The following SSBP2 variants were observed in gnomAD, a reference collection of about 807,000 sequenced individuals.
SSBP2 encodes the protein single-stranded DNA-binding protein 2.
Under a neutral mutation model 61.8 loss-of-function variants are expected in SSBP2, and 17 were observed. The ratio of observed to expected loss-of-function variants is 0.28; its 90% CI spans 0.19 to 0.41. The LOEUF is 0.41. Ranked by LOEUF, SSBP2 falls within the 10% of genes least tolerant of loss-of-function variation. The pLI is 1.00. For synonymous variants in SSBP2, 139 were observed against 141.3 expected, an observed-to-expected ratio of 0.98 and a Z score of 0.12; for missense variants, 310 against 458.7, an observed-to-expected ratio of 0.68 and a Z score of 2.96.
intron 4 of SSBP2, among the ~76,000 whole-genome samples, chr5:81,544,339 G>A (rs1044532915): frequency 2.0e-5 from 3 of 152,064 alleles, no homozygotes; most frequent in East Asian, 1.9e-4. Flanking sequence ...AAGCCACTGC[G>A]CCTGGCCCAC....
chr5:81,551,067 C>G (rs6869288), intron 4 of SSBP2, among the ~76,000 whole-genome samples: 67,124 of 145,678 alleles, frequency 0.46, 19,847 homozygotes, highest in African/African-American at 0.85. Context: ...CTGCACTCCA[C>G]CCTGGGTGAC....
intron 2 of SSBP2, among the ~76,000 whole-genome samples, chr5:81,649,118 T>C (rs1749518810): frequency 6.6e-6 from 1 of 152,148 alleles, no homozygotes; most frequent in African/African-American, 2.4e-5. Flanking sequence ...GTCTGAATTC[T>C]AGTTCCATAA....
intron 12 of SSBP2, among the ~76,000 whole-genome samples, chr5:81,444,396 T>A (rs190594106): frequency 2.1e-4 from 32 of 152,320 alleles, no homozygotes; most frequent in Admixed American, 2.0e-3. Context: ...TGTTATGTCT[T>A]CCATGAGGTT....
At chr5:81,600,577 A>C (rs200539364) in intron 4 of SSBP2, among the ~76,000 whole-genome samples, 1 of 151,130 alleles carries the variant, frequency 6.6e-6, no homozygotes, top group Non-Finnish European at 1.5e-5. Context: ...AAAAAAAAAA[A>C]AAACAAAAAC....
At chr5:81,717,412 T>C in intron 1 of SSBP2, among the ~76,000 whole-genome samples, 1 of 152,194 alleles carries the variant, frequency 6.6e-6, no homozygotes, top group East Asian at 1.9e-4. Flanking sequence ...TTCTATGCCA[T>C]GAGTAATAAG....
intron 9 of SSBP2, among the ~76,000 whole-genome samples, chr5:81,464,712 T>C (rs935272184): frequency 2.0e-5 from 3 of 152,128 alleles, no homozygotes; most frequent in Non-Finnish European, 4.4e-5. Context: ...TCCTAACACA[T>C]AAATATTTTT....
intron 1 of SSBP2, among the ~76,000 whole-genome samples, chr5:81,746,132 A>G (rs370987844): frequency 9.9e-5 from 15 of 152,268 alleles, no homozygotes; most frequent in Admixed American, 5.9e-4. Context: ...AAGAGTCACA[A>G]TTAATCTCTG....
intron 3 of SSBP2, 69 bp downstream of exon 3, chr5:81,636,488 A>G (rs369643892): frequency 8.6e-7 from 1 of 1,156,504 alleles, no homozygotes; most frequent in South Asian, 2.0e-5. Context: ...ATGAAATCAT[A>G]AACAGGTATA....
chr5:81,436,277 T>A (rs895262494), intron 15 of SSBP2, among the ~76,000 whole-genome samples: 2 of 149,384 alleles, frequency 1.3e-5, no homozygotes, highest in African/African-American at 2.5e-5. Flanking sequence ...AAGGCTCTAA[T>A]AAAGTTACAT....
chr5:81,750,668 A>G, intron 1 of SSBP2: 2 of 371,356 alleles, frequency 5.4e-6, no homozygotes, highest in Non-Finnish European at 9.8e-6. Flanking sequence ...TTACTTTGGA[A>G]GGTGAACCCG....
intron 5 of SSBP2, among the ~76,000 whole-genome samples, chr5:81,501,724 G>A (rs532660243): frequency 1.6e-3 from 243 of 151,590 alleles, no homozygotes; most frequent in Non-Finnish European, 3.1e-3. Context: ...CACCACGCCC[G>A]GCTAATTTTG....
chr5:81,582,578 G>A (rs1237045750), intron 4 of SSBP2, among the ~76,000 whole-genome samples: 1 of 152,058 alleles, frequency 6.6e-6, no homozygotes, highest in Non-Finnish European at 1.5e-5. Flanking sequence ...AACATAATCA[G>A]AGAGATTACT....
chr5:81,488,044 TATATATATATATA>T (rs1766545649), intron 6 of SSBP2, among the ~76,000 whole-genome samples: 1 of 63,606 alleles, frequency 1.6e-5, no homozygotes, highest in South Asian at 4.2e-4. Flanking sequence ...TATATATATA[TATATATATATATA>T]TAAATAAAAT....
Position 81,551,606 on chromosome 5 carries a change from A to G in SSBP2, c.283-37889T>C, listed in dbSNP as rs114648004. On this transcript the variant is annotated intron_variant, in intron 4 of 16. Transcript: ENST00000320672. ...ATTTATTAAAATAAAAGTATTTATT[A>G]CTTATTTACTAAAATATTTAAAAGA... 6.1e-3 allele frequency among the ~76,000 whole-genome samples: 929 copies of G among 152,248 alleles called. 13 individuals carry two copies. Among genetic ancestry groups the G allele is most frequent in the African/African-American group, 0.021 (890 of 41,560 alleles).
intron 4 of SSBP2, among the ~76,000 whole-genome samples, chr5:81,589,707 A>C (rs1203348903): frequency 6.6e-6 from 1 of 152,222 alleles, no homozygotes; most frequent in Non-Finnish European, 1.5e-5. Context: ...TTGCCATAAC[A>C]GAACGCCAGA....
intron 15 of SSBP2, among the ~76,000 whole-genome samples, chr5:81,429,844 A>G (rs1158216233): frequency 6.6e-6 from 1 of 152,216 alleles, no homozygotes; most frequent in Non-Finnish European, 1.5e-5. Flanking sequence ...TGGTAGAAAT[A>G]CACTGTGTCT....
chr5:81,597,586 T>C (rs1006257449), intron 4 of SSBP2, among the ~76,000 whole-genome samples: 7 of 152,048 alleles, frequency 4.6e-5, no homozygotes, highest in African/African-American at 1.7e-4. Flanking sequence ...CTATTCACAA[T>C]AGCAAAGACT....
At position 81,663,576 on chromosome 5, in the gene SSBP2, T is replaced by C. The variant is rs185030573; in HGVS notation, c.63-13237A>G. Among the ~76,000 whole-genome samples the C allele has an allele frequency of 2.0e-5, 3 of 152,326 alleles. No individual in the cohort carries two copies. In the East Asian group the frequency reaches 5.8e-4, roughly 29 times the overall value. ...GCCAGTTCTAGACAACATTTGATTA[T>C]GCCTCACAATACTGAAGTACACAGA... On this transcript the variant is annotated intron_variant, in intron 1 of 16. Transcript: ENST00000320672.
chr5:81,437,014 G>C (rs1020063583), intron 15 of SSBP2, among the ~76,000 whole-genome samples: 1 of 152,094 alleles, frequency 6.6e-6, no homozygotes, highest in Non-Finnish European at 1.5e-5. Context: ...AATTGGATAC[G>C]TAAATGCAAT....
Sources: gnomAD v4.1 joint callset for allele counts (sites outside exome capture counted in the v4.1 genomes callset) on GRCh38, gnomAD v4.1.1 for gene constraint, MANE v1.5 for transcripts, NCBI Gene and HGNC (gene_info 2026-07-23, HGNC 2026-07-21) for gene names.